Variants in FBRS observed in about 807,000 individuals in gnomAD.
The protein encoded by FBRS is fibrosin, also known as probable fibrosin-1.
A neutral mutation model predicts 86.1 loss-of-function variants in FBRS; 15 were observed. That is an observed-to-expected ratio of 0.17 (90% confidence interval 0.12 to 0.27). The LOEUF is 0.27. FBRS is among the 10% of genes least tolerant of loss of function. The pLI is 1.00. For missense variants in FBRS, 1,367 were observed against 1,301.6 expected (o/e 1.05, Z -0.77); for synonymous variants, 666 against 575.8 (o/e 1.16, Z -2.24).
In FBRS at chr16:30,669,336, C is replaced by T; in HGVS notation, c.2634C>T (p.Gly878=). 6.2e-7 allele frequency: 1 copy of T among 1,612,104 alleles called. No homozygotes were observed. Among genetic ancestry groups the T allele is most frequent in the African/African-American group, 1.3e-5 (1 of 75,008 alleles). The change falls in exon 18 of 18, where the codon GGC becomes GGT. Residue 878 remains glycine, a synonymous_variant. Coordinates refer to ENST00000356166, the MANE Select transcript of FBRS (RefSeq NM_001105079.3). This position sits in a 1 kb window ranked among gnomAD's most constrained non-coding sequence, Gnocchi z 5.9. The part of the protein sequence containing the change: ...LGPSPPDRCA[G]FLEPTWLAAP... ...CTAGCCCACCAGATCGCTGTGCTGG[C>T]TTCCTGGAGCCAACCTGGTTGGCAG...
At position 30,668,987 on chromosome 16, in the gene FBRS, T is replaced by TTGCCCCC; in HGVS notation, c.2366+8_2366+9insTGCCCCC. ...CAAGGAGGAGAAGGACAGGTGTGCC[T>TTGCCCCC]CCCACCCACCCTGCCCCTGCCCCAC... On this transcript the variant is annotated intron_variant, in intron 17 of 17. Transcript: ENST00000356166. 25 of 1,480,822 alleles carry TTGCCCCC rather than the reference T, an allele frequency of 1.7e-5. No individual in the cohort carries two copies. Among genetic ancestry groups the TTGCCCCC allele is most frequent in the Middle Eastern group, 2.1e-4 (1 of 4,786 alleles). 91.7% of individuals were successfully genotyped at this position (1,480,822 alleles called of 1,614,324 possible).
chr16:30,662,180 T>G, intron 4 of FBRS: 1 of 579,582 alleles, frequency 1.7e-6, no homozygotes. Flanking sequence ...CTCTGCTGCT[T>G]CAACGCTGCC....
In FBRS at chr16:30,669,481, A is replaced by G; in HGVS notation, c.2779A>G (p.Ser927Gly). The change falls in exon 18 of 18, where the codon AGC becomes GGC. Residue 927 changes from serine to glycine, a missense_variant. Ser to Gly is a moderately conservative substitution (Grantham distance 56). Transcript: ENST00000356166. The surrounding 1 kb of genome is among the most constrained non-coding windows in gnomAD (Gnocchi z 5.9). The part of the protein sequence containing the change: ...GLEPAHPLLY[S>G]RLAPPPPPAA... Reference sequence around the variant, plus strand: ...GGAACCTGCTCACCCCTTGCTCTACAGCCGCTTGGCTCCTCCACCACCACC... The same window carrying G: ...GGAACCTGCTCACCCCTTGCTCTACGGCCGCTTGGCTCCTCCACCACCACC... 6.2e-7 allele frequency: 1 copy of G among 1,613,138 alleles called. No individual in the cohort carries two copies. Among genetic ancestry groups the G allele is most frequent in the African/African-American group, 1.3e-5 (1 of 75,014 alleles).
Position 30,658,775 on chromosome 16 carries a change from T to C in FBRS, c.-744T>C, listed in dbSNP as rs1413637402. ...GGCCCGGAGGAGGCCCCTTTAAATC[T>C]CCTTAAAGGGGTGGCCACTGAACTC... is the stretch of plus-strand genomic sequence containing the variant. On this transcript the variant is annotated 5_prime_UTR_variant, in exon 1 of 18. Transcript: ENST00000356166. The C allele has an allele frequency of 6.6e-6, 1 of 152,040 alleles. No individual in the cohort carries two copies. Among genetic ancestry groups the C allele is most frequent in the Non-Finnish European group, 1.5e-5 (1 of 68,022 alleles). 9.4% of individuals were successfully genotyped at this position (152,040 alleles called of 1,614,324 possible). A position where few individuals can be genotyped will look rare whatever the true frequency, so the allele number is the denominator to read the frequency against.
rs1163794241 is a variant in FBRS, at chr16:30,663,109, C to G, written c.1055+250C>G. 1.4e-5 allele frequency: 8 copies of G among 564,734 alleles called. No homozygotes were observed. In the South Asian group the frequency reaches 3.4e-4, roughly 24 times the overall value. 35.0% of individuals were successfully genotyped at this position (564,734 alleles called of 1,614,324 possible). A position where few individuals can be genotyped will look rare whatever the true frequency, so the allele number is the denominator to read the frequency against. On this transcript the variant is annotated intron_variant, in intron 6 of 17. Coordinates refer to ENST00000356166, the MANE Select transcript of FBRS (RefSeq NM_001105079.3). ...AGAACGTTTTTTCAGGCAGGCAAGTCTGCTCGGAATAGTGTTCTTTGGAAC... is the reference window on the plus strand; with the variant it reads ...AGAACGTTTTTTCAGGCAGGCAAGTGTGCTCGGAATAGTGTTCTTTGGAAC...
In FBRS at chr16:30,666,359, A is replaced by G. The variant is rs2052522002; in HGVS notation, c.1774-153A>G. 3 of 868,458 alleles carry G rather than the reference A, an allele frequency of 3.5e-6. No homozygotes were observed. In the Admixed American group the frequency reaches 6.6e-5, roughly 19 times the overall value. The allele number at this position is 868,458 out of a possible 1,614,324, so 53.8% of individuals were successfully genotyped here. A position where few individuals can be genotyped will look rare whatever the true frequency, so the allele number is the denominator to read the frequency against. ...AGGAGAGATGCCTAGACTGGGAGAG[A>G]TGGGGAAAGGAGTTTGGGCCTGAGC... On this transcript the variant is annotated intron_variant, in intron 11 of 17. Coordinates refer to ENST00000356166, the MANE Select transcript of FBRS (RefSeq NM_001105079.3).
At position 30,666,296 on chromosome 16, in the gene FBRS, G is replaced by A. The variant is rs147104912; in HGVS notation, c.1774-216G>A. The A allele has an allele frequency of 5.0e-3, 3,128 of 625,292 alleles. 80 individuals carry two copies. The African/African-American group carries it at 0.05, about 10-fold the overall frequency. The allele number at this position is 625,292 out of a possible 1,614,324, so 38.7% of individuals were successfully genotyped here. ...TCACCACCCGCAGCCTTCCAGCAGGGCAGCTCCCTGGGGCTTGGTTCAGAA... is the reference window on the plus strand; with the variant it reads ...TCACCACCCGCAGCCTTCCAGCAGGACAGCTCCCTGGGGCTTGGTTCAGAA... On this transcript the variant is annotated intron_variant, in intron 11 of 17. Coordinates refer to ENST00000356166, the MANE Select transcript of FBRS (RefSeq NM_001105079.3).
At position 30,665,460 on chromosome 16, in the gene FBRS, G is replaced by A. The variant is rs2052512392; in HGVS notation, c.1704+59G>A. On this transcript the variant is annotated intron_variant, in intron 10 of 17. Coordinates refer to ENST00000356166, the MANE Select transcript of FBRS (RefSeq NM_001105079.3). The surrounding 1 kb of genome is among the most constrained non-coding windows in gnomAD (Gnocchi z 4.1). ...CCATCTTGACAAACCCAGACACGCC[G>A]GGTCCAAGCACCCTTCTCCCATTCC... 40 of 1,496,492 alleles carry A rather than the reference G, an allele frequency of 2.7e-5. No homozygotes were observed. Among genetic ancestry groups the A allele is most frequent in the Admixed American group, 9.8e-5 (5 of 50,954 alleles). The allele number at this position is 1,496,492 out of a possible 1,614,324, so 92.7% of individuals were successfully genotyped here.
chr16:30,661,104 G>A (rs2151266302), intron 2 of FBRS, 76 bp from the exon 3 acceptor site: 8 of 1,547,116 alleles, frequency 5.2e-6, no homozygotes, highest in Non-Finnish European at 7.0e-6. Flanking sequence ...GCCCATGAGC[G>A]CCCTGCTGGG....
chr16:30,666,494 C>T lies in FBRS; in HGVS notation c.1774-18C>T. 2 of 1,614,054 alleles carry T rather than the reference C, an allele frequency of 1.2e-6. No homozygotes were observed. Among genetic ancestry groups the T allele is most frequent in the African/African-American group, 1.3e-5 (1 of 75,052 alleles). On this transcript the variant is annotated intron_variant, in intron 11 of 17. Transcript: ENST00000356166. ...CTCGGGTCTGAGTCGCCTCCCATCT[C>T]TCCTTTGCCATCCCCAGATCCCCGA...
rs565091966 is a variant in FBRS, at chr16:30,664,117, G to A, written c.1056-98G>A. 3.2e-5 allele frequency: 41 copies of A among 1,267,186 alleles called. 1 individual carries two copies. The Admixed American group carries it at 1.1e-3, about 35-fold the overall frequency. The allele number at this position is 1,267,186 out of a possible 1,614,324, so 78.5% of individuals were successfully genotyped here. ...GCTGGGTTCTGCCACCTCCCGTGTT[G>A]GAGAACCAGGGTCACGGTATCACCC... On this transcript the variant is annotated intron_variant, in intron 6 of 17. Transcript: ENST00000356166.
At chr16:30,662,087 T>C in intron 4 of FBRS, 1 of 311,488 alleles carries the variant, frequency 3.2e-6, no homozygotes, top group South Asian at 5.0e-5. Flanking sequence ...CCAACGCTGG[T>C]GGACCAAATA....
At chr16:30,666,745 C>T (rs557905370) in intron 12 of FBRS, among the ~76,000 whole-genome samples, 174 bp from the exon 13 acceptor site, 8 of 152,304 alleles carry the variant, frequency 5.3e-5, no homozygotes, top group Non-Finnish European at 8.8e-5. Context: ...GGCAGTTGAT[C>T]TCTCTGAGCC....
chr16:30,659,634 C>T lies in FBRS; in HGVS notation c.116C>T (p.Pro39Leu), dbSNP rs1596611580. ...CGGGAGCAGCGGCGCCGCCGAGGTC[C>T]AGGCGGCGACGCGCCCCGGGCCCTG... is the stretch of plus-strand genomic sequence containing the variant. The part of the protein sequence containing the change: ...RDREQRRRRG[P>L]GGDAPRALLA... Residue 39 changes from proline (P) to leucine (L), a missense_variant, in exon 1 of 18, where the codon CCA (proline) becomes CTA (leucine). Pro to Leu is a moderately conservative substitution (Grantham distance 98). Transcript: ENST00000356166. 7 of 428,310 alleles carry T rather than the reference C, an allele frequency of 1.6e-5. No homozygotes were observed. Among genetic ancestry groups the T allele is most frequent in the East Asian group, 1.5e-4 (4 of 26,334 alleles). The allele number at this position is 428,310 out of a possible 1,614,324, so 26.5% of individuals were successfully genotyped here. A position where few individuals can be genotyped will look rare whatever the true frequency, so the allele number is the denominator to read the frequency against.
rs2052503447 is a variant in FBRS at position 30,664,896 on chromosome 16, G to C, written c.1539G>C (p.Leu513=). The C allele has an allele frequency of 1.9e-6, 3 of 1,610,166 alleles. No individual in the cohort carries two copies. In the African/African-American group the frequency reaches 4.0e-5, roughly 22 times the overall value. ...HQHFTPYPPG[L]LPPHGPHMFE... is the part of the protein sequence containing the mutation. Reference sequence around the variant, plus strand: ...ACTTCACCCCTTATCCCCCGGGCCTGCTGCCACCCCACGGCCCCCACATGG... The same window carrying C: ...ACTTCACCCCTTATCCCCCGGGCCTCCTGCCACCCCACGGCCCCCACATGG... Residue 513 remains leucine, a synonymous_variant, in exon 8 of 18, where the codon CTG becomes CTC. Transcript: ENST00000356166.
Position 30,664,774 on chromosome 16 carries a change from G to A in FBRS, c.1417G>A (p.Glu473Lys). 6.4e-7 allele frequency: 1 copy of A among 1,552,798 alleles called. No individual in the cohort carries two copies. Among genetic ancestry groups the A allele is most frequent in the Non-Finnish European group, 8.7e-7 (1 of 1,147,624 alleles). The change falls in exon 8 of 18, where the codon GAG becomes AAG. Residue 473 changes from glutamate (E) to lysine (K), a missense_variant. Transcript: ENST00000356166. Reference protein sequence around the residue: ...SRYLNAQGGPEVVGAGGSARP... With the variant: ...SRYLNAQGGPKVVGAGGSARP... ...CTACCTGAATGCCCAGGGTGGCCCT[G>A]AGGTGGTGGGGGCAGGGGGCTCGGC...
intron 4 of FBRS, among the ~76,000 whole-genome samples, 159 bp downstream of exon 4, chr16:30,661,492 G>A (rs1555519180): frequency 6.6e-6 from 1 of 152,206 alleles, no homozygotes; most frequent in Non-Finnish European, 1.5e-5. Context: ...GGTGGATTGG[G>A]AGGGTAAATG....
At chr16:30,660,201 C>A in intron 1 of FBRS, 62 bp from the exon 2 acceptor site, 1 of 1,383,960 alleles carries the variant, frequency 7.2e-7, no homozygotes. Context: ...ACCTGGTCAC[C>A]CCTAGAGGGG....
In FBRS at chr16:30,666,343, G is replaced by A. The variant is rs1164845961; in HGVS notation, c.1774-169G>A. 7 of 776,760 alleles carry A rather than the reference G, an allele frequency of 9.0e-6. No individual in the cohort carries two copies. The Admixed American group carries it at 1.2e-4, about 13-fold the overall frequency. The allele number at this position is 776,760 out of a possible 1,614,324, so 48.1% of individuals were successfully genotyped here. ...AGAAACCTTGTGCTGGAGGAGAGAT[G>A]CCTAGACTGGGAGAGATGGGGAAAG... On this transcript the variant is annotated intron_variant, in intron 11 of 17. Transcript: ENST00000356166.
Sources: gnomAD v4.1 joint callset for allele counts (sites outside exome capture counted in the v4.1 genomes callset) on GRCh38, gnomAD v4.1.1 for gene constraint, Gnocchi (gnomAD v3.1) non-coding constraint, MANE v1.5 for transcripts, NCBI Gene and HGNC (gene_info 2026-07-23, HGNC 2026-07-21) for gene names.